TRIM58: variants seen among roughly 807,000 people sequenced by gnomAD.
TRIM58 encodes the protein tripartite motif containing 58, also known as E3 ubiquitin-protein ligase TRIM58.
Under a neutral mutation model 34.1 loss-of-function variants are expected in TRIM58, and 38 were observed. That is an observed-to-expected ratio of 1.12 (90% CI 0.86 to 1.46). The LOEUF is 1.46. Ranked by LOEUF, TRIM58 falls within the 40% of genes most tolerant of loss-of-function variation. The pLI is 0.00. For missense variants in TRIM58, 677 were observed against 642.0 expected, an observed-to-expected ratio of 1.05 and a Z score of -0.59; for synonymous variants, 273 against 275.7, an observed-to-expected ratio of 0.99 and a Z score of 0.10.
At position 247,878,550 on chromosome 1, in the gene TRIM58, C is replaced by T. The variant is rs187308736; in HGVS notation, c.*2061C>T. Among the ~76,000 whole-genome samples the T allele has an allele frequency of 4.6e-5, 7 of 152,334 alleles. No individual in the cohort carries two copies. In the East Asian group the frequency reaches 1.3e-3, roughly 29 times the overall value. ...GTTCCACAGGCCATGTGTGCCCTAG[C>T]CCTCGTTCATGCAAGGTCTGTGTAG... On this transcript the variant is annotated 3_prime_UTR_variant, in exon 6 of 6. Transcript: ENST00000366481.
In TRIM58 at chr1:247,876,427, G is replaced by A; in HGVS notation, c.1399G>A (p.Gly467Arg). The A allele has an allele frequency of 6.2e-7, 1 of 1,614,180 alleles. No individual in the cohort carries two copies. The highest frequency in any genetic ancestry group is 8.5e-7 in the Non-Finnish European group (1 of 1,180,032). Reference protein sequence around the residue: ...ILPPTTIAGSGNWASRDHLDP... With the variant: ...ILPPTTIAGSRNWASRDHLDP... ...GCCACCCACAACAATAGCAGGGTCA[G>A]GAAATTGGGCATCCAGGGATCATTT... The change falls in exon 6 of 6, where the codon GGA becomes AGA. Residue 467 changes from glycine (G) to arginine (R), a missense_variant. By Grantham distance (125) the Gly-to-Arg change is moderately radical. Transcript: ENST00000366481.
chr1:247,871,630 T>C (rs1184596095), intron 5 of TRIM58, among the ~76,000 whole-genome samples: 1 of 152,158 alleles, frequency 6.6e-6, no homozygotes, highest in Non-Finnish European at 1.5e-5. Flanking sequence ...CCCAACTTGA[T>C]TAAAATCGTC....
chr1:247,864,478 A>G (rs1174814020), intron 2 of TRIM58, among the ~76,000 whole-genome samples: 1 of 152,206 alleles, frequency 6.6e-6, no homozygotes, highest in African/African-American at 2.4e-5. Flanking sequence ...GCCTGTGGCA[A>G]AATGGGAACT....
chr1:247,867,898 T>G, intron 4 of TRIM58, 31 bp downstream of exon 4: 1 of 1,613,978 alleles, frequency 6.2e-7, no homozygotes, highest in Non-Finnish European at 8.5e-7. Context: ...GGTGAAGGGA[T>G]TGGGAGAGGC....
chr1:247,876,320 C>G lies in TRIM58; in HGVS notation c.1292C>G (p.Ser431Cys). 2.5e-6 allele frequency: 4 copies of G among 1,614,158 alleles called. No homozygotes were observed. Among genetic ancestry groups the G allele is most frequent in the Non-Finnish European group, 3.4e-6 (4 of 1,180,028 alleles). The change falls in exon 6 of 6, where the codon TCT becomes TGT. Residue 431 changes from serine to cysteine, a missense_variant. Ser to Cys is a moderately radical substitution (Grantham distance 112). Coordinates refer to ENST00000366481, the MANE Select transcript of TRIM58 (RefSeq NM_015431.4). ...EISFYNVTDGSYIYTFNQLFS... is the reference protein window; with the variant it reads ...EISFYNVTDGCYIYTFNQLFS... Reference sequence around the variant, plus strand: ...TCATTCTACAATGTCACAGATGGATCTTATATCTACACATTCAACCAACTC... The same window carrying G: ...TCATTCTACAATGTCACAGATGGATGTTATATCTACACATTCAACCAACTC...
At chr1:247,857,785 A>C (rs1663675004) in intron 1 of TRIM58, 119 bp downstream of exon 1, 2 of 1,172,614 alleles carry the variant, frequency 1.7e-6, no homozygotes, top group Non-Finnish European at 2.1e-6. Context: ...CGCTCCCCCC[A>C]CCGCGCGCCG....
chr1:247,873,292 A>C (rs1055057509), intron 5 of TRIM58, among the ~76,000 whole-genome samples: 3 of 151,212 alleles, frequency 2.0e-5, no homozygotes, highest in Non-Finnish European at 3.0e-5. Flanking sequence ...GAAGATGGAC[A>C]TGCGCAGTTT....
rs1411536839 is a variant in TRIM58 at position 247,876,648 on chromosome 1, T to G, written c.*159T>G. The G allele has an allele frequency of 1.6e-6, 1 of 616,384 alleles. No individual in the cohort carries two copies. Among genetic ancestry groups the G allele is most frequent in the East Asian group, 2.8e-5 (1 of 36,320 alleles). The allele number at this position is 616,384 out of a possible 1,614,324, so 38.2% of individuals were successfully genotyped here. A position where few individuals can be genotyped will look rare whatever the true frequency, so the allele number is the denominator to read the frequency against. On this transcript the variant is annotated 3_prime_UTR_variant, in exon 6 of 6. Transcript: ENST00000366481. ...ATGGGACAAAAGAGGGAATATGAAA[T>G]ATTTGCATATGGGAAGATTATAGAG...
Position 247,860,689 on chromosome 1 carries a change from G to T in TRIM58, c.493G>T (p.Gly165Trp). The change falls in exon 2 of 6, where the codon GGG (glycine) becomes TGG (tryptophan). Residue 165 changes from glycine (G) to tryptophan (W), a missense_variant. Transcript: ENST00000366481. Reference protein sequence around the residue: ...EDALTQEANVGKKTVIWKEKV... With the variant: ...EDALTQEANVWKKTVIWKEKV... Reference sequence around the variant, plus strand: ...CGCCTTGACTCAGGAGGCCAACGTGGGGAAAAAGACTGTCATTTGGAAGGT... The same window carrying T: ...CGCCTTGACTCAGGAGGCCAACGTGTGGAAAAAGACTGTCATTTGGAAGGT... 6.2e-7 allele frequency: 1 copy of T among 1,613,610 alleles called. No homozygotes were observed. The highest frequency in any genetic ancestry group is 8.5e-7 in the Non-Finnish European group (1 of 1,179,714).
intron 1 of TRIM58, among the ~76,000 whole-genome samples, chr1:247,858,752 CTTTTTTTT>C (rs386370399): frequency 3.0e-4 from 26 of 87,868 alleles, no homozygotes; most frequent in Admixed American, 8.2e-4. Context: ...TTGGTAGTAA[CTTTTTTTT>C]TTTTTTTTTT....
chr1:247,861,913 C>G (rs953256017), intron 2 of TRIM58, among the ~76,000 whole-genome samples: 3 of 151,718 alleles, frequency 2.0e-5, no homozygotes, highest in Non-Finnish European at 4.4e-5. Context: ...CACCTGAGGT[C>G]AGGAGTTCGA....
chr1:247,864,682 T>C lies in TRIM58; in HGVS notation c.517-23T>C, dbSNP rs779480687. 8 of 1,611,962 alleles carry C rather than the reference T, an allele frequency of 5.0e-6. No homozygotes were observed. The Admixed American group carries it at 8.4e-5, about 17-fold the overall frequency. ...GCTGCTGGAGGCCAAGCACTGACGA[T>C]GTGATCCACGGTGTCACCTCAGGAG... is the stretch of plus-strand genomic sequence containing the variant. On this transcript the variant is annotated intron_variant, in intron 2 of 5. Transcript: ENST00000366481.
intron 5 of TRIM58, among the ~76,000 whole-genome samples, chr1:247,875,663 T>TAAA (rs1215682273): frequency 1.3e-5 from 2 of 152,032 alleles, no homozygotes; most frequent in Non-Finnish European, 2.9e-5. Flanking sequence ...TTGGGAAAGT[T>TAAA]AAAGAGTTCT....
intron 5 of TRIM58, among the ~76,000 whole-genome samples, chr1:247,872,570 G>A (rs1192588277): frequency 4.6e-5 from 7 of 152,180 alleles, no homozygotes; most frequent in African/African-American, 1.2e-4. Context: ...GTTGCGATGA[G>A]TGCTAAATAT....
In TRIM58 at chr1:247,858,752, C is replaced by CTTTTTT. The variant is rs386370399; in HGVS notation, c.420+1107_420+1112dup. ...AGTCCAGAAAGAGGATTGGTAGTAA[C>CTTTTTT]TTTTTTTTTTTTTTTTTTTTTTTTT... On this transcript the variant is annotated intron_variant, in intron 1 of 5. Transcript: ENST00000366481. 8.0e-5 allele frequency among the ~76,000 whole-genome samples: 7 copies of CTTTTTT among 87,854 alleles called. 1 individual carries two copies. The highest frequency in any genetic ancestry group is 9.9e-4 in the East Asian group (2 of 2,028). 57.6% of individuals were successfully genotyped at this position (87,854 alleles called of 152,430 possible).
chr1:247,867,772 T>C, intron 3 of TRIM58, 73 bp from the exon 4 acceptor site: 1 of 1,568,756 alleles, frequency 6.4e-7, no homozygotes, highest in South Asian at 1.1e-5. Flanking sequence ...AGGAAATTTT[T>C]ATGGGGTCTT....
At chr1:247,863,363 C>A (rs990892584) in intron 2 of TRIM58, among the ~76,000 whole-genome samples, 13 of 151,994 alleles carry the variant, frequency 8.6e-5, no homozygotes, top group African/African-American at 2.7e-4. Flanking sequence ...TACGGTGAAA[C>A]CCTGTCTCTA....
At chr1:247,873,100 C>T (rs1411884952) in intron 5 of TRIM58, among the ~76,000 whole-genome samples, 1 of 152,138 alleles carries the variant, frequency 6.6e-6, no homozygotes, top group East Asian at 1.9e-4. Flanking sequence ...CGTGGTGGTG[C>T]ATGCCTGTAA....
rs1043823708 is a variant in TRIM58 at position 247,879,785 on chromosome 1, T to A, written c.*3296T>A. On this transcript the variant is annotated 3_prime_UTR_variant, in exon 6 of 6. Transcript: ENST00000366481. ...TTTCCCTGATATCCCCTTGACTCAT[T>A]ATTCCCTTTCTTCCTTAACTCTTCT... is the stretch of plus-strand genomic sequence containing the variant. Among the ~76,000 whole-genome samples, 2 of 151,294 alleles carry A rather than the reference T, an allele frequency of 1.3e-5. No individual in the cohort carries two copies. Among genetic ancestry groups the A allele is most frequent in the African/African-American group, 4.9e-5 (2 of 41,134 alleles).
Sources: gnomAD v4.1 joint callset for allele counts (sites outside exome capture counted in the v4.1 genomes callset) on GRCh38, gnomAD v4.1.1 for gene constraint, MANE v1.5 for transcripts, NCBI Gene and HGNC (gene_info 2026-07-23, HGNC 2026-07-21) for gene names.